The following FER variants were observed in gnomAD, a reference collection of about 807,000 sequenced individuals.
FER encodes FER tyrosine kinase, also known as tyrosine-protein kinase Fer.
In FER, 63 loss-of-function variants were observed where a neutral mutation model predicts 111.0. The observed-to-expected ratio is 0.57, with a 90% CI of 0.46 to 0.70. The LOEUF (loss-of-function observed/expected upper bound fraction) is 0.70, where lower values mean the gene tolerates loss of function less well. FER is among the 30% of genes least tolerant of loss of function. The pLI is 0.00. For missense variants in FER, 914 were observed against 954.0 expected (o/e 0.96, Z 0.55); for synonymous variants, 327 against 313.9 (o/e 1.04, Z -0.44).
chr5:108,851,121 T>G (rs1311983585), intron 5 of FER, among the ~76,000 whole-genome samples: 1 of 152,222 alleles, frequency 6.6e-6, no homozygotes, highest in Non-Finnish European at 1.5e-5. Context: ...TTGTAGATAA[T>G]ATACATCATT....
At chr5:108,871,312 T>G in intron 6 of FER, 53 bp from the exon 7 acceptor site, 1 of 1,441,792 alleles carries the variant, frequency 6.9e-7, no homozygotes, top group Non-Finnish European at 9.6e-7. Context: ...TTTGAGATAG[T>G]ATCTCTCTTG....
intron 5 of FER, among the ~76,000 whole-genome samples, chr5:108,846,142 A>T (rs1580846282): frequency 1.3e-5 from 2 of 152,138 alleles, no homozygotes; most frequent in African/African-American, 4.8e-5. Flanking sequence ...ATTTTCTAGG[A>T]AGATTTGTGT....
intron 13 of FER, among the ~76,000 whole-genome samples, chr5:108,988,612 C>T (rs1210541016): frequency 1.6e-4 from 25 of 151,870 alleles, no homozygotes; most frequent in Non-Finnish European, 2.1e-4. Context: ...TTTGTATTTC[C>T]GTGGTATCAG....
At chr5:109,051,346 C>A (rs1772777213) in intron 16 of FER, 4 of 1,608,592 alleles carry the variant, frequency 2.5e-6, no homozygotes, top group Non-Finnish European at 2.6e-6. Context: ...AGGCCTGCTG[C>A]TGGCACGACT....
chr5:109,195,844 T>G lies in FER; in HGVS notation c.*8269T>G, dbSNP rs1759709909. The G allele has an allele frequency of 6.6e-6, 1 of 152,214 alleles. No individual in the cohort carries two copies. The highest frequency in any genetic ancestry group is 2.4e-5 in the African/African-American group (1 of 41,454). 9.4% of individuals were successfully genotyped at this position (152,214 alleles called of 1,614,324 possible). A position where few individuals can be genotyped will look rare whatever the true frequency, so the allele number is the denominator to read the frequency against. ...CTATAGATTTTACATAAATTTACAT[T>G]TAAATGCATTAAGTTAGATGGCCCA... On this transcript the variant is annotated 3_prime_UTR_variant, in exon 20 of 20. Transcript: ENST00000281092.
intron 16 of FER, among the ~76,000 whole-genome samples, chr5:109,082,215 A>G (rs1777064972): frequency 1.3e-5 from 2 of 152,138 alleles, no homozygotes; most frequent in South Asian, 4.1e-4. Context: ...ACTCTTGCCC[A>G]ATGTGTCACA....
intron 3 of FER, among the ~76,000 whole-genome samples, chr5:108,799,112 G>A (rs1756357537): frequency 6.6e-6 from 1 of 152,046 alleles, no homozygotes; most frequent in African/African-American, 2.4e-5. Flanking sequence ...TATCATTTCA[G>A]TACAAAAATA....
At chr5:108,777,771 G>A (rs1753650978) in intron 2 of FER, among the ~76,000 whole-genome samples, 3 of 152,202 alleles carry the variant, frequency 2.0e-5, no homozygotes, top group Admixed American at 1.3e-4. Context: ...GGAGGAGCAA[G>A]TCACATCTTA....
chr5:108,776,728 TA>T (rs1214646805), intron 2 of FER, among the ~76,000 whole-genome samples: 1 of 152,290 alleles, frequency 6.6e-6, no homozygotes, highest in East Asian at 1.9e-4. Context: ...AATGGTTTTT[TA>T]AAAAAGTTTT....
chr5:108,941,130 T>C (rs1756211648), intron 10 of FER, among the ~76,000 whole-genome samples: 1 of 152,116 alleles, frequency 6.6e-6, no homozygotes, highest in African/African-American at 2.4e-5. Context: ...TGAGGGAGGA[T>C]GCTAGAATCT....
chr5:109,152,672 C>A (rs1196215698), intron 17 of FER, among the ~76,000 whole-genome samples: 1 of 151,796 alleles, frequency 6.6e-6, no homozygotes, highest in Non-Finnish European at 1.5e-5. Flanking sequence ...AATAACTTCA[C>A]GGTGAAATTA....
chr5:109,059,520 C>G (rs1774110280), intron 16 of FER, among the ~76,000 whole-genome samples: 1 of 152,136 alleles, frequency 6.6e-6, no homozygotes, highest in Non-Finnish European at 1.5e-5. Context: ...GAGTGAGACT[C>G]CATCTCAAAA....
At chr5:109,100,811 T>A (rs1222820516) in intron 17 of FER, among the ~76,000 whole-genome samples, 1 of 151,852 alleles carries the variant, frequency 6.6e-6, no homozygotes, top group Non-Finnish European at 1.5e-5. Context: ...TTTAGTAATA[T>A]AAGAAACTAC....
chr5:108,971,294 A>G (rs1760629867), intron 13 of FER, among the ~76,000 whole-genome samples: 1 of 150,372 alleles, frequency 6.7e-6, no homozygotes, highest in African/African-American at 2.4e-5. Context: ...AAAAAAAAAA[A>G]AACCCAGAAA....
chr5:109,011,692 G>A (rs1232127567), intron 13 of FER, among the ~76,000 whole-genome samples: 4 of 152,004 alleles, frequency 2.6e-5, no homozygotes, highest in Non-Finnish European at 4.4e-5. Context: ...GCCTGCATGC[G>A]TTCAGGGCTA....
intron 17 of FER, among the ~76,000 whole-genome samples, chr5:109,164,966 C>T (rs1756382250): frequency 6.6e-6 from 1 of 152,084 alleles, no homozygotes; most frequent in South Asian, 2.1e-4. Context: ...CCATCTCTTC[C>T]CCTTTTGTAG....
rs1751224813 is a variant in FER, at chr5:108,909,286, G to A, written c.1236+11438G>A. On this transcript the variant is annotated intron_variant, in intron 10 of 19. Transcript: ENST00000281092. ...AAATCCTTTTTTTTATTATAGTATT[G>A]TGCAGAAAGTTGTTTCTCATTATAC... Among the ~76,000 whole-genome samples the A allele has an allele frequency of 2.0e-5, 3 of 151,926 alleles. No individual in the cohort carries two copies. In the South Asian group the frequency reaches 6.2e-4, roughly 32 times the overall value.
chr5:109,095,761 C>G (rs993855300), intron 16 of FER, among the ~76,000 whole-genome samples: 2 of 151,986 alleles, frequency 1.3e-5, no homozygotes, highest in Non-Finnish European at 2.9e-5. Context: ...AATAAGAATT[C>G]TGAATAATGA....
chr5:109,082,167 G>A (rs1055052329), intron 16 of FER, among the ~76,000 whole-genome samples: 4 of 151,902 alleles, frequency 2.6e-5, no homozygotes, highest in Admixed American at 6.6e-5. Flanking sequence ...TCCTTTGAGC[G>A]TTATTCTTTC....
Sources: allele counts gnomAD v4.1 joint callset (sites outside exome capture counted in the v4.1 genomes callset), GRCh38; gene constraint gnomAD v4.1.1; transcripts MANE v1.5; gene names NCBI Gene and HGNC (gene_info 2026-07-23, HGNC 2026-07-21).